The following SMARCA2 variants were observed in gnomAD, a reference collection of about 807,000 sequenced individuals.
The protein encoded by SMARCA2 is SWI/SNF related BAF chromatin remodeling complex subunit ATPase 2.
SMARCA2 carries 61 observed loss-of-function variants against 199.8 expected under a neutral mutation model. The ratio of observed to expected loss-of-function variants is 0.31; its 90% CI spans 0.25 to 0.38. The LOEUF is 0.38. Ranked by LOEUF, SMARCA2 falls within the 10% of genes least tolerant of loss-of-function variation. The pLI is 1.00. For missense variants in SMARCA2, 1,344 were observed against 2,012.2 expected, an observed-to-expected ratio of 0.67 and a Z score of 6.35; for synonymous variants, 935 against 732.0, an observed-to-expected ratio of 1.28 and a Z score of -4.48.
chr9:2,191,482 C>T, intron 33 of SMARCA2, 74 bp downstream of exon 33: 2 of 1,515,564 alleles, frequency 1.3e-6, no homozygotes, highest in Non-Finnish European at 9.0e-7. Context: ...ATTTCCATGC[C>T]CCTTCAGCCT....
intron 27 of SMARCA2, among the ~76,000 whole-genome samples, chr9:2,129,625 G>A (rs1344134939): frequency 3.9e-5 from 6 of 152,034 alleles, no homozygotes; most frequent in African/African-American, 9.7e-5. Context: ...TTAGATTGTC[G>A]GCCACATGCT....
chr9:2,031,439 G>A (rs1042514051), intron 2 of SMARCA2, among the ~76,000 whole-genome samples: 25 of 152,248 alleles, frequency 1.6e-4, no homozygotes, highest in African/African-American at 5.5e-4. Flanking sequence ...AGAATAATTT[G>A]AAGGTGTCTC....
At chr9:2,137,456 A>G (rs1824251944) in intron 27 of SMARCA2, among the ~76,000 whole-genome samples, 1 of 152,002 alleles carries the variant, frequency 6.6e-6, no homozygotes, top group Non-Finnish European at 1.5e-5. Flanking sequence ...TGGCTGCTCC[A>G]CTGAACTCTC....
intron 29 of SMARCA2, 103 bp from the exon 30 acceptor site, chr9:2,181,468 T>C: frequency 2.9e-6 from 2 of 691,286 alleles, no homozygotes; most frequent in Non-Finnish European, 5.3e-6. Context: ...TCTATATGCG[T>C]GGAATATAAT....
At chr9:2,098,947 C>CAAA (rs773551875) in intron 21 of SMARCA2, among the ~76,000 whole-genome samples, 2 of 89,100 alleles carry the variant, frequency 2.2e-5, no homozygotes, top group Non-Finnish European at 4.6e-5. Flanking sequence ...AACTCGGTCT[C>CAAA]AAAAAAAAAA....
chr9:2,185,060 A>G (rs1027281906), intron 31 of SMARCA2, among the ~76,000 whole-genome samples: 3 of 152,190 alleles, frequency 2.0e-5, no homozygotes, highest in African/African-American at 4.8e-5. Flanking sequence ...AACAAAATTT[A>G]TCATAATTTT....
rs56186732 is a variant in SMARCA2, at chr9:2,176,182, G to GTTTTT, written c.4254-5372_4254-5368dup. On this transcript the variant is annotated intron_variant, in intron 29 of 33. Transcript: ENST00000349721. Reference sequence around the variant, plus strand: ...AGGCATGAGCCACCGCGCCCGGCCTGTTTTTTTTTTTTTTTTTTTTTATAA... The same window carrying GTTTTT: ...AGGCATGAGCCACCGCGCCCGGCCTGTTTTTTTTTTTTTTTTTTTTTTTTTTATAA... 9.3e-3 allele frequency among the ~76,000 whole-genome samples: 969 copies of GTTTTT among 104,038 alleles called. 27 individuals are homozygous for GTTTTT. The highest frequency in any genetic ancestry group is 0.03 in the African/African-American group (797 of 26,778). 68.3% of individuals were successfully genotyped at this position (104,038 alleles called of 152,430 possible).
intron 27 of SMARCA2, among the ~76,000 whole-genome samples, chr9:2,126,640 C>T (rs1823709448): frequency 6.6e-6 from 1 of 152,198 alleles, no homozygotes; most frequent in Non-Finnish European, 1.5e-5. Context: ...GTAAGAAATG[C>T]TGTAACAGGG....
intron 27 of SMARCA2, among the ~76,000 whole-genome samples, chr9:2,125,858 T>A (rs1320565820): frequency 6.6e-6 from 1 of 152,212 alleles, no homozygotes; most frequent in African/African-American, 2.4e-5. Context: ...ATAACCTTGT[T>A]TATTGGGCAA....
intron 27 of SMARCA2, among the ~76,000 whole-genome samples, chr9:2,145,581 A>G (rs1268224376): frequency 6.6e-6 from 1 of 152,166 alleles, no homozygotes; most frequent in Non-Finnish European, 1.5e-5. Flanking sequence ...TGAAGTAGGG[A>G]AGATGCAGAG....
rs554962671 is a variant in SMARCA2, at chr9:2,039,755, G to A, written c.645G>A (p.Leu215=). 96 of 1,612,108 alleles carry A rather than the reference G, an allele frequency of 6.0e-5. No homozygotes were observed. In the South Asian group the frequency reaches 8.1e-4, roughly 14 times the overall value. ...AVQGKRTLPG[L]QQQQQQQQQQ... ...AGGGGAAAAGGACGTTGCCTGGCTT[G>A]CAGCAACAACAGCAGCAGCAACAGC... Residue 215 remains leucine (L), a synonymous_variant, in exon 4 of 34, where the codon TTG becomes TTA. Transcript: ENST00000349721. This position sits in a 1 kb window ranked among gnomAD's most constrained non-coding sequence, Gnocchi z 4.8.
Position 2,099,311 on chromosome 9 carries a change from A to C in SMARCA2, c.3078+1840A>C, listed in dbSNP as rs371186466. On this transcript the variant is annotated intron_variant, in intron 21 of 33. Coordinates refer to ENST00000349721, the MANE Select transcript of SMARCA2 (RefSeq NM_003070.5). The stretch of plus-strand genomic sequence containing the variant: ...AGTCTAACCTGTTACCCACTGTCCC[A>C]TTTCTTCTGAAAACAATTTTAAGAC... 3.9e-4 allele frequency among the ~76,000 whole-genome samples: 60 copies of C among 152,238 alleles called. 1 individual carries two copies. The highest frequency in any genetic ancestry group is 1.3e-3 in the African/African-American group (55 of 41,528).
rs1209688105 is a variant in SMARCA2 at position 2,158,567 on chromosome 9, A to G, written c.3982-3119A>G. On this transcript the variant is annotated intron_variant, in intron 27 of 33. Coordinates refer to ENST00000349721, the MANE Select transcript of SMARCA2 (RefSeq NM_003070.5). ...CGGAAACTGGGGGTTTGCTTCTGTG[A>G]TTTATTTCATTATTGTGCTGGTAAA... 2.3e-5 allele frequency: 4 copies of G among 173,696 alleles called. No homozygotes were observed. In the East Asian group the frequency reaches 6.0e-4, roughly 26 times the overall value. 10.8% of individuals were successfully genotyped at this position (173,696 alleles called of 1,614,324 possible).
intron 19 of SMARCA2, among the ~76,000 whole-genome samples, chr9:2,090,967 T>A (rs997295860): frequency 3.9e-5 from 6 of 152,188 alleles, no homozygotes; most frequent in African/African-American, 7.2e-5. Flanking sequence ...CATGTCTTAC[T>A]TAGCCTGGAT....
Position 2,056,743 on chromosome 9 carries a change from C to T in SMARCA2, c.1245C>T (p.Tyr415=). ...TLETALNSKA[Y]KRSKRQTLRE... is the part of the protein sequence containing the mutation. ...AGACGGCTCTCAACTCCAAAGCATA[C>T]AAACGGAGCAAGCGCCAGACTCTGA... Residue 415 remains tyrosine, a synonymous_variant, in exon 7 of 34, where the codon TAC becomes TAT. Coordinates refer to ENST00000349721, the MANE Select transcript of SMARCA2 (RefSeq NM_003070.5). This position sits in a 1 kb window ranked among gnomAD's most constrained non-coding sequence, Gnocchi z 4.0. 6.2e-7 allele frequency: 1 copy of T among 1,614,192 alleles called. No homozygotes were observed. Among genetic ancestry groups the T allele is most frequent in the Non-Finnish European group, 8.5e-7 (1 of 1,180,030 alleles).
At chr9:2,047,839 A>C (rs575766449) in intron 5 of SMARCA2, 108 of 161,068 alleles carry the variant, frequency 6.7e-4, no homozygotes, top group Non-Finnish European at 1.3e-3. Flanking sequence ...GTTTCTACTA[A>C]AGCATCCTTC....
intron 27 of SMARCA2, among the ~76,000 whole-genome samples, chr9:2,157,127 T>G (rs1432912668): frequency 6.6e-6 from 1 of 152,192 alleles, no homozygotes; most frequent in African/African-American, 2.4e-5. Flanking sequence ...GAGGACGAGC[T>G]CTATGTTCAA....
At chr9:2,067,811 A>C (rs1370618292) in intron 9 of SMARCA2, among the ~76,000 whole-genome samples, 2 of 152,168 alleles carry the variant, frequency 1.3e-5, no homozygotes, top group Non-Finnish European at 2.9e-5. Flanking sequence ...AGTTTTGGGG[A>C]TTTTAAGTAA....
chr9:2,095,677 C>G (rs943380383), intron 19 of SMARCA2, among the ~76,000 whole-genome samples: 7 of 152,154 alleles, frequency 4.6e-5, no homozygotes, highest in African/African-American at 1.2e-4. Context: ...CAGATTCCTT[C>G]GAAAGCAACA....
Sources: allele counts gnomAD v4.1 joint callset (sites outside exome capture counted in the v4.1 genomes callset), GRCh38; gene constraint gnomAD v4.1.1; non-coding constraint Gnocchi (gnomAD v3.1); transcripts MANE v1.5; gene names NCBI Gene and HGNC (gene_info 2026-07-23, HGNC 2026-07-21).